SELP: variants seen among roughly 807,000 people sequenced by gnomAD.
The protein encoded by SELP is selectin P, also known as P-selectin.
SELP carries 92 observed loss-of-function variants against 104.1 expected under a neutral mutation model. The observed-to-expected ratio is 0.88, with a 90% CI of 0.75 to 1.05. SELP has a LOEUF of 1.05. SELP is among the 50% of genes least tolerant of loss of function. The probability of loss-of-function intolerance (pLI) is 0.00; values close to 1 mark genes in which losing one functional copy is unlikely to be tolerated. For missense variants in SELP, 1,022 were observed against 1,017.3 expected (o/e 1.00, Z -0.06); for synonymous variants, 397 against 364.5 (o/e 1.09, Z -1.01).
chr1:169,601,743 A>G (rs1351948424), intron 10 of SELP, among the ~76,000 whole-genome samples: 1 of 152,206 alleles, frequency 6.6e-6, no homozygotes, highest in African/African-American at 2.4e-5. Context: ...TTCAAGCTAT[A>G]TGAACTTTGC....
chr1:169,621,612 A>T (rs1331081943), intron 1 of SELP, among the ~76,000 whole-genome samples: 1 of 152,088 alleles, frequency 6.6e-6, no homozygotes, highest in African/African-American at 2.4e-5. Flanking sequence ...TACCAGGGAG[A>T]ACTCAACTCA....
At chr1:169,615,377 T>C (rs1471376073) in intron 3 of SELP, among the ~76,000 whole-genome samples, 2 of 152,222 alleles carry the variant, frequency 1.3e-5, no homozygotes, top group African/African-American at 4.8e-5. Flanking sequence ...TTGTATTAAT[T>C]AGTGATGTCT....
chr1:169,625,110 AC>A (rs2101933038), intron 1 of SELP, among the ~76,000 whole-genome samples: 1 of 152,140 alleles, frequency 6.6e-6, no homozygotes, highest in Admixed American at 6.5e-5. Flanking sequence ...TCTCCAGCCC[AC>A]TGCCCGACCA....
Position 169,603,041 on chromosome 1 carries a change from G to A in SELP, c.1690C>T (p.Pro564Ser). Reference protein sequence around the residue: ...CTRSGRWTDSPPMCEAIKCPE... With the variant: ...CTRSGRWTDSSPMCEAIKCPE... Reference sequence around the variant, plus strand: ...CACAGCCTACCTTCACACATTGGTGGGGAGTCTGTCCAGCGTCCCGATCGA... The same window carrying A: ...CACAGCCTACCTTCACACATTGGTGAGGAGTCTGTCCAGCGTCCCGATCGA... Residue 564 changes from proline (P) to serine (S), a missense_variant, in exon 10 of 17, where the codon CCA (proline) becomes TCA (serine). By Grantham distance (74) the Pro-to-Ser change is moderately conservative. Transcript: ENST00000263686. 6.2e-7 allele frequency: 1 copy of A among 1,613,082 alleles called. No individual in the cohort carries two copies. The highest frequency in any genetic ancestry group is 8.5e-7 in the Non-Finnish European group (1 of 1,179,284).
Position 169,591,522 on chromosome 1 carries a change from T to C in SELP, c.2408-66A>G, listed in dbSNP as rs529283952. 2.9e-5 allele frequency: 35 copies of C among 1,191,894 alleles called. No homozygotes were observed. The African/African-American group carries it at 4.4e-4, about 15-fold the overall frequency. The allele number at this position is 1,191,894 out of a possible 1,614,324, so 73.8% of individuals were successfully genotyped here. On this transcript the variant is annotated intron_variant, in intron 14 of 16. Transcript: ENST00000263686. ...AAAAACAAGATGAAAGAGAGGGTCA[T>C]TAAGGATAGAAATTACTGGGGAAAA...
intron 3 of SELP, among the ~76,000 whole-genome samples, chr1:169,614,534 T>C (rs923982138): frequency 2.6e-5 from 4 of 152,230 alleles, no homozygotes; most frequent in Admixed American, 2.6e-4. Context: ...TTTTTATTAA[T>C]GAGGTCATAG....
At chr1:169,608,378 G>A (rs1345860661) in intron 8 of SELP, among the ~76,000 whole-genome samples, 2 of 151,812 alleles carry the variant, frequency 1.3e-5, no homozygotes, top group African/African-American at 4.8e-5. Flanking sequence ...CTCTTCCGCC[G>A]AGCCCTTGGC....
chr1:169,617,138 T>C lies in SELP; in HGVS notation c.371A>G (p.Asn124Ser), dbSNP rs1377624369. The change falls in exon 3 of 17, where the codon AAC becomes AGC. Residue 124 changes from asparagine (N) to serine (S), a missense_variant. Physicochemically the swap from Asn to Ser is conservative, Grantham distance 46 (BLOSUM62 1). Transcript: ENST00000263686. ...AENWADNEPN[N>S]KRNNEDCVEI... ...CACGCAGTCCTCGTTGTTCCTTTTGTTGTTAGGTTCATTATCAGCCCAGTT... is the reference window on the plus strand; with the variant it reads ...CACGCAGTCCTCGTTGTTCCTTTTGCTGTTAGGTTCATTATCAGCCCAGTT... 3 of 1,614,138 alleles carry C rather than the reference T, an allele frequency of 1.9e-6. No individual in the cohort carries two copies. The highest frequency in any genetic ancestry group is 1.7e-6 in the Non-Finnish European group (2 of 1,180,004).
chr1:169,599,219 A>G (rs1408658220), intron 10 of SELP, among the ~76,000 whole-genome samples: 1 of 152,166 alleles, frequency 6.6e-6, no homozygotes, highest in Non-Finnish European at 1.5e-5. Flanking sequence ...ACATGGGATG[A>G]ATGACATTTG....
At chr1:169,622,095 A>G (rs3917684) in intron 1 of SELP, among the ~76,000 whole-genome samples, 3,381 of 152,372 alleles carry the variant, frequency 0.022, 76 homozygotes, top group African/African-American at 0.057. Context: ...GAGAAAAATT[A>G]TACCTTTTAC....
intron 9 of SELP, among the ~76,000 whole-genome samples, chr1:169,604,384 T>C (rs1662079981): frequency 6.6e-6 from 1 of 152,220 alleles, no homozygotes; most frequent in African/African-American, 2.4e-5. Flanking sequence ...GCAAAAATGT[T>C]CTCCCATTCT....
At chr1:169,595,326 A>G (rs926969428) in intron 12 of SELP, among the ~76,000 whole-genome samples, 2 of 152,178 alleles carry the variant, frequency 1.3e-5, no homozygotes, top group Non-Finnish European at 2.9e-5. Flanking sequence ...CTTAAACTAC[A>G]TTTTCAGGGA....
Position 169,596,082 on chromosome 1 carries a change from A to C in SELP, c.1944T>G (p.Pro648=), listed in dbSNP as rs1426107107. The part of the protein sequence containing the change: ...PGVQCPALTT[P]GQGTMYCRHH... The stretch of plus-strand genomic sequence containing the variant: ...GCCTACAGTACATGGTTCCCTGCCC[A>C]GGAGTGGTGAGGGCTGGACATTGCA... Residue 648 remains proline, a synonymous_variant, in exon 12 of 17, where the codon CCT becomes CCG. Transcript: ENST00000263686. 1.2e-6 allele frequency: 2 copies of C among 1,613,796 alleles called. No individual in the cohort carries two copies. Among genetic ancestry groups the C allele is most frequent in the African/African-American group, 2.7e-5 (2 of 74,874 alleles).
chr1:169,611,286 A>G (rs1166693690), intron 7 of SELP, among the ~76,000 whole-genome samples: 1 of 152,182 alleles, frequency 6.6e-6, no homozygotes, highest in Non-Finnish European at 1.5e-5. Flanking sequence ...TTAATTGTAT[A>G]CTTTTTATGT....
At chr1:169,615,463 T>C (rs1447648483) in intron 3 of SELP, among the ~76,000 whole-genome samples, 2 of 152,230 alleles carry the variant, frequency 1.3e-5, no homozygotes, top group East Asian at 3.8e-4. Context: ...CTTGCAATTT[T>C]TTTGGCAAGC....
intron 8 of SELP, among the ~76,000 whole-genome samples, chr1:169,608,337 C>T (rs558216325): frequency 2.2e-4 from 34 of 152,126 alleles, no homozygotes; most frequent in Middle Eastern, 6.8e-3. Flanking sequence ...ACTGAAACTC[C>T]GTATCCATTA....
intron 1 of SELP, among the ~76,000 whole-genome samples, chr1:169,627,847 A>T (rs1474708878): frequency 7.2e-5 from 11 of 152,216 alleles, no homozygotes; most frequent in Admixed American, 7.2e-4. Context: ...GGTGGTTAAA[A>T]GGTATAAATG....
At chr1:169,603,812 C>T (rs1345735150) in intron 9 of SELP, among the ~76,000 whole-genome samples, 3 of 152,148 alleles carry the variant, frequency 2.0e-5, no homozygotes, top group African/African-American at 7.2e-5. Context: ...AAGGAAAATC[C>T]TTGCATATGT....
Position 169,616,234 on chromosome 1 carries a change from G to A in SELP, c.481+794C>T, listed in dbSNP as rs140211995. On this transcript the variant is annotated intron_variant, in intron 3 of 16. Transcript: ENST00000263686. ...CCCACCAAAGTTCAATGGATCTAAA[G>A]ATATGTTGTTGTTGAAGAGAAACTA... Among the ~76,000 whole-genome samples, 705 of 152,270 alleles carry A rather than the reference G, an allele frequency of 4.6e-3. 7 individuals are homozygous for A. The highest frequency in any genetic ancestry group is 0.016 in the African/African-American group (680 of 41,544).
Sources: allele counts gnomAD v4.1 joint callset (sites outside exome capture counted in the v4.1 genomes callset), GRCh38; gene constraint gnomAD v4.1.1; transcripts MANE v1.5; gene names NCBI Gene and HGNC (gene_info 2026-07-23, HGNC 2026-07-21).